Variants in DLG2 observed in about 807,000 individuals in gnomAD.
DLG2 encodes the protein disks large homolog 2.
A neutral mutation model predicts 132.5 loss-of-function variants in DLG2; 45 were observed. That is an observed-to-expected ratio of 0.34 (90% CI 0.27 to 0.44). The LOEUF is 0.44. Among genes scored for constraint, DLG2 ranks in the 20% least tolerant of loss-of-function variants. DLG2 has a pLI of 1.00. For missense variants in DLG2, 1,045 were observed against 1,196.9 expected, an observed-to-expected ratio of 0.87 and a Z score of 1.87; for synonymous variants, 424 against 419.6, an observed-to-expected ratio of 1.01 and a Z score of -0.13.
intron 18 of DLG2, chr11:83,646,743 A>G (rs192197861): frequency 2.0e-5 from 3 of 152,192 alleles, no homozygotes; most frequent in African/African-American, 7.2e-5. Flanking sequence ...GGCAACCTCT[A>G]CTTTCTCAAT....
chr11:83,643,905 T>A (rs1315913462), intron 18 of DLG2, among the ~76,000 whole-genome samples: 1 of 152,104 alleles, frequency 6.6e-6, no homozygotes, highest in Non-Finnish European at 1.5e-5. Flanking sequence ...TTCTGTTTTG[T>A]TCCTGACATG....
intron 6 of DLG2, among the ~76,000 whole-genome samples, chr11:84,853,643 T>A (rs1006644818): frequency 6.6e-6 from 1 of 152,012 alleles, no homozygotes; most frequent in Non-Finnish European, 1.5e-5. Flanking sequence ...AGCAAGATAA[T>A]GCTTTCCTCT....
At chr11:84,580,058 T>C (rs1301801177) in intron 6 of DLG2, among the ~76,000 whole-genome samples, 1 of 152,200 alleles carries the variant, frequency 6.6e-6, no homozygotes, top group African/African-American at 2.4e-5. Flanking sequence ...CTGTAGAATA[T>C]GTCTTGTTGG....
chr11:84,295,129 G>A (rs755061542), intron 7 of DLG2, among the ~76,000 whole-genome samples: 14 of 152,096 alleles, frequency 9.2e-5, no homozygotes, highest in Non-Finnish European at 1.8e-4. Flanking sequence ...TGAAAGCAGT[G>A]ACTCTTTGGA....
In DLG2 at chr11:83,614,006, T is replaced by C. The variant is rs527421987; in HGVS notation, c.1940+19205A>G. Among the ~76,000 whole-genome samples, 10 of 137,400 alleles carry C rather than the reference T, an allele frequency of 7.3e-5. No homozygotes were observed. The South Asian group carries it at 9.4e-4, about 13-fold the overall frequency. 90.1% of individuals were successfully genotyped at this position (137,400 alleles called of 152,430 possible). A position where few individuals can be genotyped will look rare whatever the true frequency, so the allele number is the denominator to read the frequency against. On this transcript the variant is annotated intron_variant, in intron 19 of 27. Coordinates refer to ENST00000376104, the MANE Select transcript of DLG2 (RefSeq NM_001142699.3). ...TGAGATAAAGCAGAGAGGCAGCTAGTAAACAAGGCGATTTTTGGCCCCTCC... is the reference window on the plus strand; with the variant it reads ...TGAGATAAAGCAGAGAGGCAGCTAGCAAACAAGGCGATTTTTGGCCCCTCC...
intron 6 of DLG2, among the ~76,000 whole-genome samples, chr11:84,925,475 G>T (rs2092943702): frequency 6.6e-6 from 1 of 152,042 alleles, no homozygotes; most frequent in African/African-American, 2.4e-5. Flanking sequence ...TAGATTTACT[G>T]CCTAATTTTC....
At chr11:85,311,809 C>A (rs1445752799) in intron 3 of DLG2, among the ~76,000 whole-genome samples, 1 of 152,052 alleles carries the variant, frequency 6.6e-6, no homozygotes, top group Non-Finnish European at 1.5e-5. Flanking sequence ...TAGAACTTTT[C>A]AAGCATTCTT....
intron 3 of DLG2, among the ~76,000 whole-genome samples, chr11:85,354,292 G>T (rs796555316): frequency 1.3e-5 from 2 of 152,154 alleles, no homozygotes; most frequent in African/African-American, 4.8e-5. Context: ...TTAAAAAAAT[G>T]ATTTAAGTAT....
chr11:83,849,797 C>A (rs185530062), intron 16 of DLG2, among the ~76,000 whole-genome samples: 4 of 150,138 alleles, frequency 2.7e-5, no homozygotes, highest in Admixed American at 2.7e-4. Context: ...ACATTTATAA[C>A]GCGAATTTCT....
intron 7 of DLG2, among the ~76,000 whole-genome samples, chr11:84,507,493 G>A (rs2099244778): frequency 6.6e-6 from 1 of 152,106 alleles, no homozygotes; most frequent in Admixed American, 6.5e-5. Flanking sequence ...CCTTACTTTT[G>A]TAAAACTGAG....
At chr11:84,283,755 T>G (rs528119165) in intron 7 of DLG2, among the ~76,000 whole-genome samples, 1 of 152,292 alleles carries the variant, frequency 6.6e-6, no homozygotes, top group African/African-American at 2.4e-5. Flanking sequence ...CAGAAGCCAA[T>G]GTACAGCCAG....
chr11:84,457,952 A>T (rs182710004), intron 7 of DLG2, among the ~76,000 whole-genome samples: 1 of 151,002 alleles, frequency 6.6e-6, no homozygotes, highest in East Asian at 1.9e-4. Flanking sequence ...ATTATTATAG[A>T]AAATCTGAAC....
At chr11:84,646,996 G>A (rs753278659) in intron 6 of DLG2, among the ~76,000 whole-genome samples, 6 of 152,050 alleles carry the variant, frequency 3.9e-5, no homozygotes, top group Non-Finnish European at 7.4e-5. Flanking sequence ...TATTGAGAGA[G>A]TAAGACAGGT....
intron 3 of DLG2, among the ~76,000 whole-genome samples, chr11:85,517,929 T>G (rs545112095): frequency 6.6e-6 from 1 of 152,264 alleles, no homozygotes; most frequent in Non-Finnish European, 1.5e-5. Context: ...TAAGGAGAGT[T>G]TCCCTGCACA....
intron 19 of DLG2, among the ~76,000 whole-genome samples, chr11:83,605,941 C>T (rs947916162): frequency 3.3e-5 from 5 of 152,208 alleles, no homozygotes; most frequent in African/African-American, 1.2e-4. Flanking sequence ...TAAACTGTCG[C>T]TGTGATTTAC....
chr11:84,729,846 C>T (rs1427918514), intron 6 of DLG2, among the ~76,000 whole-genome samples: 1 of 152,002 alleles, frequency 6.6e-6, no homozygotes, highest in Non-Finnish European at 1.5e-5. Context: ...TGAGTCCTGA[C>T]CCAGCTCCCC....
chr11:85,009,168 C>A (rs1408537187), intron 6 of DLG2, among the ~76,000 whole-genome samples: 2 of 152,000 alleles, frequency 1.3e-5, no homozygotes, highest in East Asian at 3.8e-4. Context: ...ATGATTGAAA[C>A]CAACCTTTTG....
chr11:85,576,900 A>T (rs1425223), intron 3 of DLG2, among the ~76,000 whole-genome samples: 1 of 151,986 alleles, frequency 6.6e-6, no homozygotes, highest in African/African-American at 2.4e-5. Flanking sequence ...AATTGAGCAG[A>T]CACATAAACT....
intron 6 of DLG2, among the ~76,000 whole-genome samples, chr11:84,944,177 G>C (rs1240255138): frequency 1.3e-5 from 2 of 151,840 alleles, no homozygotes; most frequent in Admixed American, 1.3e-4. Flanking sequence ...TTGACCTTTG[G>C]GAGTTTGATT....
Sources: gnomAD v4.1 joint callset for allele counts (sites outside exome capture counted in the v4.1 genomes callset) on GRCh38, gnomAD v4.1.1 for gene constraint, MANE v1.5 for transcripts, NCBI Gene and HGNC (gene_info 2026-07-23, HGNC 2026-07-21) for gene names.